The following AKT3 variants were observed in gnomAD, a reference collection of about 807,000 sequenced individuals.
AKT3 encodes the protein AKT serine/threonine kinase 3.
A neutral mutation model predicts 65.3 loss-of-function variants in AKT3; 15 were observed. The observed-to-expected ratio is 0.23, with a 90% CI of 0.15 to 0.35. The LOEUF (loss-of-function observed/expected upper bound fraction) is 0.35, where lower values mean the gene tolerates loss of function less well. Among genes scored for constraint, AKT3 ranks in the 10% least tolerant of loss-of-function variants. AKT3 has a pLI of 1.00. For synonymous variants in AKT3, 206 were observed against 183.8 expected, an observed-to-expected ratio of 1.12 and a Z score of -0.98; for missense variants, 243 against 576.5, an observed-to-expected ratio of 0.42 and a Z score of 5.92.
At chr1:243,704,884 C>G (rs1371429079) in intron 2 of AKT3, among the ~76,000 whole-genome samples, 1 of 152,118 alleles carries the variant, frequency 6.6e-6, no homozygotes, top group Non-Finnish European at 1.5e-5. Flanking sequence ...CTGAATTTCT[C>G]TTTATGGTTA....
intron 8 of AKT3, among the ~76,000 whole-genome samples, chr1:243,588,315 C>T (rs745803274): frequency 1.3e-5 from 2 of 152,140 alleles, no homozygotes; most frequent in Admixed American, 6.5e-5. Flanking sequence ...TTAGAGCTCA[C>T]GCAGAGCTGA....
chr1:243,773,019 A>T (rs1458913056), intron 2 of AKT3, among the ~76,000 whole-genome samples: 2 of 121,906 alleles, frequency 1.6e-5, no homozygotes, highest in African/African-American at 6.3e-5. Flanking sequence ...GGGGAACATC[A>T]CACACCAGGG....
At chr1:243,571,681 C>A (rs1674577128) in intron 9 of AKT3, among the ~76,000 whole-genome samples, 1 of 152,112 alleles carries the variant, frequency 6.6e-6, no homozygotes, top group Admixed American at 6.6e-5. Flanking sequence ...ATAACTAATT[C>A]CTTTAAAGAA....
At chr1:243,692,166 GC>G (rs1684734769) in intron 3 of AKT3, among the ~76,000 whole-genome samples, 1 of 152,108 alleles carries the variant, frequency 6.6e-6, no homozygotes, top group Non-Finnish European at 1.5e-5. Flanking sequence ...AAGCAGGAAG[GC>G]CATTCTTACC....
intron 12 of AKT3, among the ~76,000 whole-genome samples, chr1:243,519,833 A>C (rs1316134149): frequency 6.6e-6 from 1 of 152,222 alleles, no homozygotes; most frequent in Non-Finnish European, 1.5e-5. Flanking sequence ...ATGTAAAAAA[A>C]AGACTGCACT....
chr1:243,637,831 A>G, intron 5 of AKT3, 89 bp from the exon 6 acceptor site: 1 of 896,532 alleles, frequency 1.1e-6, no homozygotes, highest in Non-Finnish European at 1.5e-6. Flanking sequence ...ATATCCACTC[A>G]AAACCAAATT....
chr1:243,753,212 C>T (rs1482580008), intron 2 of AKT3, among the ~76,000 whole-genome samples: 1 of 152,126 alleles, frequency 6.6e-6, no homozygotes, highest in African/African-American at 2.4e-5. Flanking sequence ...TAATTAAGTT[C>T]CATGACTATG....
chr1:243,508,722 ATGT>A (rs1669831684), intron 13 of AKT3, among the ~76,000 whole-genome samples: 1 of 147,024 alleles, frequency 6.8e-6, no homozygotes, highest in Admixed American at 6.8e-5. Flanking sequence ...CTGGAGGGCA[ATGT>A]TGTGATCTCA....
At chr1:243,660,602 T>C (rs898667623) in intron 4 of AKT3, among the ~76,000 whole-genome samples, 1 of 152,184 alleles carries the variant, frequency 6.6e-6, no homozygotes, top group Non-Finnish European at 1.5e-5. Context: ...ACAGCCAATA[T>C]CATACTGAAT....
chr1:243,838,549 T>A (rs1695040116), intron 2 of AKT3, among the ~76,000 whole-genome samples: 3 of 152,144 alleles, frequency 2.0e-5, no homozygotes, highest in African/African-American at 7.2e-5. Flanking sequence ...TGGACTTAGA[T>A]AAACACTCAA....
intron 12 of AKT3, among the ~76,000 whole-genome samples, chr1:243,516,370 TTTTC>T (rs1670355617): frequency 1.3e-5 from 2 of 152,248 alleles, no homozygotes; most frequent in South Asian, 4.1e-4. Context: ...GTCTTCTCAC[TTTTC>T]TTTTCAGTCA....
intron 12 of AKT3, among the ~76,000 whole-genome samples, chr1:243,514,498 C>T (rs1038404840): frequency 2.6e-5 from 4 of 152,178 alleles, no homozygotes; most frequent in Non-Finnish European, 5.9e-5. Context: ...TTCTTCAAGA[C>T]TTTGCGACAT....
At chr1:243,682,144 T>C (rs534864815) in intron 3 of AKT3, among the ~76,000 whole-genome samples, 114 of 152,140 alleles carry the variant, frequency 7.5e-4, no homozygotes, top group African/African-American at 2.7e-3. Flanking sequence ...GTTATCTACA[T>C]TCAACTTAAC....
chr1:243,519,972 T>TA (rs1339046000), intron 12 of AKT3, among the ~76,000 whole-genome samples: 1 of 152,222 alleles, frequency 6.6e-6, no homozygotes, highest in Non-Finnish European at 1.5e-5. Context: ...TTTCTGTTTT[T>TA]ATCTTTTAAT....
intron 2 of AKT3, among the ~76,000 whole-genome samples, chr1:243,714,037 T>C (rs994755501): frequency 2.6e-5 from 4 of 152,206 alleles, no homozygotes; most frequent in African/African-American, 9.6e-5. Context: ...TGTTGGGTTT[T>C]TTCCTCTCTT....
intron 1 of AKT3, among the ~76,000 whole-genome samples, chr1:243,849,044 T>C (rs774409673): frequency 2.0e-5 from 3 of 152,168 alleles, no homozygotes; most frequent in Non-Finnish European, 4.4e-5. Context: ...ATCTCTAGGC[T>C]AACTGTAGAT....
At chr1:243,783,750 G>A (rs1204102765) in intron 2 of AKT3, among the ~76,000 whole-genome samples, 1 of 151,768 alleles carries the variant, frequency 6.6e-6, no homozygotes, top group Non-Finnish European at 1.5e-5. Flanking sequence ...CAAAATGAAT[G>A]GTAAATAATA....
chr1:243,606,324 T>C (rs765336551), intron 8 of AKT3, among the ~76,000 whole-genome samples: 36 of 152,200 alleles, frequency 2.4e-4, no homozygotes, highest in East Asian at 3.9e-4. Context: ...TCCTAGAGAC[T>C]TGTTGAATAG....
At chr1:243,849,653 G>A (rs1201509043) in intron 1 of AKT3, among the ~76,000 whole-genome samples, 2 of 151,614 alleles carry the variant, frequency 1.3e-5, no homozygotes, top group Non-Finnish European at 3.0e-5. Flanking sequence ...GGCCCGGGCG[G>A]GGAGGGGCGA....
Sources: allele counts gnomAD v4.1 joint callset (sites outside exome capture counted in the v4.1 genomes callset), GRCh38; gene constraint gnomAD v4.1.1; transcripts MANE v1.5; gene names NCBI Gene and HGNC (gene_info 2026-07-23, HGNC 2026-07-21).